The following LRRC75A variants were observed in gnomAD, a reference collection of about 807,000 sequenced individuals.
The protein encoded by LRRC75A is leucine-rich repeat-containing protein 75A.
In LRRC75A, 12 loss-of-function variants were observed where a neutral mutation model predicts 26.0. That is an observed-to-expected ratio of 0.46 (90% CI 0.30 to 0.75). The LOEUF (loss-of-function observed/expected upper bound fraction) is 0.75, where lower values mean the gene tolerates loss of function less well. Among genes scored for constraint, LRRC75A ranks in the 30% least tolerant of loss-of-function variants. The pLI is 0.08. For missense variants in LRRC75A, 410 were observed against 486.6 expected (o/e 0.84, Z 1.48); for synonymous variants, 223 against 219.3 (o/e 1.02, Z -0.15).
At position 16,491,273 on chromosome 17, in the gene LRRC75A, C is replaced by G. The variant is rs556435702; in HGVS notation, c.246+472G>C. Reference sequence around the variant, plus strand: ...GAGTGAAGGACCTAGGGACTGGAATCTCATTGGCCCCAGGGCTGTGCCCCT... The same window carrying G: ...GAGTGAAGGACCTAGGGACTGGAATGTCATTGGCCCCAGGGCTGTGCCCCT... On this transcript the variant is annotated intron_variant, in intron 1 of 3. Transcript: ENST00000470794. This position sits in a 1 kb window ranked among gnomAD's most constrained non-coding sequence, Gnocchi z 5.9. Among the ~76,000 whole-genome samples the G allele has an allele frequency of 6.6e-6, 1 of 152,338 alleles. No individual in the cohort carries two copies. Among genetic ancestry groups the G allele is most frequent in the South Asian group, 2.1e-4 (1 of 4,832 alleles).
intron 3 of LRRC75A, 72 bp downstream of exon 3, chr17:16,447,773 A>C: frequency 1.7e-6 from 2 of 1,179,592 alleles, no homozygotes; most frequent in Non-Finnish European, 2.3e-6. Context: ...TCCCTTCCCT[A>C]CATCCCTGGG....
intron 1 of LRRC75A, among the ~76,000 whole-genome samples, chr17:16,466,627 G>A (rs1185452108): frequency 6.6e-6 from 1 of 152,128 alleles, no homozygotes; most frequent in African/African-American, 2.4e-5. Context: ...AGTGACGCTC[G>A]GAGAGTGTGG....
At chr17:16,488,529 A>T (rs576344223) in intron 1 of LRRC75A, among the ~76,000 whole-genome samples, 1 of 152,218 alleles carries the variant, frequency 6.6e-6, no homozygotes, top group South Asian at 2.1e-4. Context: ...TTCACTTTGT[A>T]GCATTTGCTG....
Position 16,450,374 on chromosome 17 carries a change from C to T in LRRC75A, c.376-2414G>A, listed in dbSNP as rs892649407. ...GGGACCCAGGAAGCAAAGGAGGGCC[C>T]GAGACTGAACAGAACGGATTTGGAG... is the stretch of plus-strand genomic sequence containing the variant. On this transcript the variant is annotated intron_variant, in intron 2 of 3. Coordinates refer to ENST00000470794, the MANE Select transcript of LRRC75A (RefSeq NM_001113567.3). Among the ~76,000 whole-genome samples, 2 of 152,106 alleles carry T rather than the reference C, an allele frequency of 1.3e-5. 1 individual carries two copies. The highest frequency in any genetic ancestry group is 4.1e-4 in the South Asian group (2 of 4,822).
At chr17:16,480,786 A>G (rs1181159675) in intron 1 of LRRC75A, among the ~76,000 whole-genome samples, 1 of 152,164 alleles carries the variant, frequency 6.6e-6, no homozygotes, top group Non-Finnish European at 1.5e-5. Context: ...TGTGCCCCAG[A>G]GCCCCTCTTC....
At chr17:16,445,074 C>G (rs1601063308) in intron 3 of LRRC75A, among the ~76,000 whole-genome samples, 2 of 150,372 alleles carry the variant, frequency 1.3e-5, no homozygotes, top group East Asian at 3.9e-4. Flanking sequence ...GTCTGGAACT[C>G]CTGACCTCAG....
chr17:16,476,927 A>G (rs1000395544), intron 1 of LRRC75A, among the ~76,000 whole-genome samples: 11 of 151,456 alleles, frequency 7.3e-5, no homozygotes, highest in Non-Finnish European at 1.0e-4. Flanking sequence ...TTTAGTAGAG[A>G]CGGGGTTTCA....
chr17:16,482,704 A>T (rs546575321), intron 1 of LRRC75A, among the ~76,000 whole-genome samples: 1 of 152,330 alleles, frequency 6.6e-6, no homozygotes, highest in Non-Finnish European at 1.5e-5. Context: ...CTGGAATCTG[A>T]CCATGGCCAG....
At chr17:16,485,848 GAGA>G (rs997063289) in intron 1 of LRRC75A, among the ~76,000 whole-genome samples, 2 of 152,120 alleles carry the variant, frequency 1.3e-5, no homozygotes, top group Admixed American at 1.3e-4. Flanking sequence ...GGAGGAGTTG[GAGA>G]AGACCCTGGT....
chr17:16,452,282 A>T (rs1451599868), intron 2 of LRRC75A, among the ~76,000 whole-genome samples: 1 of 151,570 alleles, frequency 6.6e-6, no homozygotes, highest in Non-Finnish European at 1.5e-5. Context: ...TTGAGCCCCG[A>T]AAGTGAAGGC....
At position 16,443,474 on chromosome 17, in the gene LRRC75A, C is replaced by T; in HGVS notation, c.*114G>A. ...TTTGCCTTTCTGTAGGTGGGTGGCC[C>T]AGGCCAATTTTTGGCAATATCCTTA... On this transcript the variant is annotated 3_prime_UTR_variant, in exon 4 of 4. Coordinates refer to ENST00000470794, the MANE Select transcript of LRRC75A (RefSeq NM_001113567.3). The T allele has an allele frequency of 9.7e-7, 1 of 1,030,962 alleles. No homozygotes were observed. The highest frequency in any genetic ancestry group is 1.8e-5 in the South Asian group (1 of 54,362). The allele number at this position is 1,030,962 out of a possible 1,614,324, so 63.9% of individuals were successfully genotyped here.
intron 1 of LRRC75A, among the ~76,000 whole-genome samples, chr17:16,468,739 AG>A (rs1286007499): frequency 6.6e-6 from 1 of 152,244 alleles, no homozygotes; most frequent in African/African-American, 2.4e-5. Flanking sequence ...AAATTTTAAA[AG>A]GGGCCAGGCC....
intron 2 of LRRC75A, among the ~76,000 whole-genome samples, chr17:16,449,344 C>A (rs1046793390): frequency 1.5e-4 from 23 of 152,184 alleles, no homozygotes; most frequent in African/African-American, 5.3e-4. Flanking sequence ...GGCTTTGTCC[C>A]GTTCTGTGTG....
Position 16,462,261 on chromosome 17 carries a change from C to T in LRRC75A, c.372G>A (p.Lys124=). 6.2e-7 allele frequency: 1 copy of T among 1,614,058 alleles called. No homozygotes were observed. The highest frequency in any genetic ancestry group is 8.5e-7 in the Non-Finnish European group (1 of 1,179,966). The part of the protein sequence containing the change: ...ISLARYIHCP[K]PEGDALGAME... ...GCTCGGACCACAGCCACCCTACCGG[C>T]TTGGGACAGTGGATGTAGCGTGCCA... The change falls in exon 2 of 4, where the codon AAG becomes AAA. Residue 124 remains lysine (K), a synonymous_variant. Coordinates refer to ENST00000470794, the MANE Select transcript of LRRC75A (RefSeq NM_001113567.3). This position sits in a 1 kb window ranked among gnomAD's most constrained non-coding sequence, Gnocchi z 4.6.
At chr17:16,448,086 G>T in intron 2 of LRRC75A, 126 bp from the exon 3 acceptor site, 1 of 841,228 alleles carries the variant, frequency 1.2e-6, no homozygotes, top group South Asian at 1.4e-5. Context: ...GCCCTGCTCT[G>T]CTGGCCTAGG....
intron 2 of LRRC75A, among the ~76,000 whole-genome samples, chr17:16,449,670 G>A (rs901026100): frequency 1.3e-5 from 2 of 152,170 alleles, no homozygotes; most frequent in African/African-American, 4.8e-5. Context: ...AGGCTGGAGT[G>A]CAATGGCACG....
chr17:16,446,620 A>G (rs1372646759), intron 3 of LRRC75A, among the ~76,000 whole-genome samples: 2 of 152,102 alleles, frequency 1.3e-5, no homozygotes, highest in Non-Finnish European at 2.9e-5. Context: ...TTCAGGTGCC[A>G]TGAGATTCCA....
intron 1 of LRRC75A, among the ~76,000 whole-genome samples, chr17:16,467,124 T>G (rs1424658361): frequency 6.6e-6 from 1 of 152,200 alleles, no homozygotes; most frequent in African/African-American, 2.4e-5. Context: ...TATAGTTATT[T>G]TCATAAAAAT....
Position 16,462,378 on chromosome 17 carries a change from G to A in LRRC75A, c.255C>T (p.Gly85=), listed in dbSNP as rs376413136. The change falls in exon 2 of 4, where the codon GGC becomes GGT. Residue 85 remains glycine, a synonymous_variant. Coordinates refer to ENST00000470794, the MANE Select transcript of LRRC75A (RefSeq NM_001113567.3). The surrounding 1 kb of genome is among the most constrained non-coding windows in gnomAD (Gnocchi z 4.6). ...CGTCGTCTAGCGAGGTCGACTCCAT[G>A]CCCAGGTCCTGCAAGAGCAAAGGAT... ...TLLQHLRQDL[G]MESTSLDDVL... 6.2e-7 allele frequency: 1 copy of A among 1,614,000 alleles called. No homozygotes were observed. The highest frequency in any genetic ancestry group is 1.3e-5 in the African/African-American group (1 of 75,066).
Sources: allele counts gnomAD v4.1 joint callset (sites outside exome capture counted in the v4.1 genomes callset), GRCh38; gene constraint gnomAD v4.1.1; non-coding constraint Gnocchi (gnomAD v3.1); transcripts MANE v1.5; gene names NCBI Gene and HGNC (gene_info 2026-07-23, HGNC 2026-07-21).